The following CD55 variants were observed in gnomAD, a reference collection of about 807,000 sequenced individuals.
CD55 encodes the protein complement decay-accelerating factor.
In CD55, 41 loss-of-function variants were observed where a neutral mutation model predicts 45.8. The observed-to-expected ratio is 0.90, with a 90% confidence interval of 0.70 to 1.16. The LOEUF (loss-of-function observed/expected upper bound fraction) is 1.16. Among genes scored for constraint, CD55 ranks in the 50% most tolerant of loss-of-function variants. CD55 has a pLI of 0.00. For synonymous variants in CD55, 181 were observed against 181.1 expected (o/e 1.00, Z 0.01); for missense variants, 416 against 469.8 (o/e 0.89, Z 1.06).
chr1:207,349,741 G>C (rs181409416), intron 9 of CD55, among the ~76,000 whole-genome samples: 1 of 152,242 alleles, frequency 6.6e-6, no homozygotes, highest in East Asian at 1.9e-4. Flanking sequence ...TACTGATGTT[G>C]TTTAACAGTT....
intron 6 of CD55, among the ~76,000 whole-genome samples, chr1:207,335,327 A>G (rs1318675525): frequency 6.6e-6 from 1 of 152,150 alleles, no homozygotes; most frequent in Non-Finnish European, 1.5e-5. Flanking sequence ...ATGTTTTTTC[A>G]AGTGCGCATG....
intron 9 of CD55, among the ~76,000 whole-genome samples, chr1:207,339,880 A>G (rs1014283870): frequency 2.0e-5 from 3 of 152,166 alleles, no homozygotes; most frequent in African/African-American, 7.2e-5. Flanking sequence ...TACATGTGAT[A>G]TTTTGTTACA....
chr1:207,335,767 C>G (rs1655144785), intron 6 of CD55, among the ~76,000 whole-genome samples: 1 of 152,080 alleles, frequency 6.6e-6, no homozygotes, highest in African/African-American at 2.4e-5. Context: ...CTAGGGCATC[C>G]CGTGTGTGAT....
chr1:207,346,308 GTGGAC>G (rs1655636354), intron 9 of CD55, among the ~76,000 whole-genome samples: 1 of 152,192 alleles, frequency 6.6e-6, no homozygotes, highest in South Asian at 2.1e-4. Flanking sequence ...GCTATTGGTG[GTGGAC>G]TGGCTGAGCA....
chr1:207,350,031 C>T, intron 9 of CD55: 2 of 443,494 alleles, frequency 4.5e-6, no homozygotes, highest in East Asian at 7.4e-5. Flanking sequence ...TGGTATGTTC[C>T]TTTGATGCCT....
At chr1:207,357,974 A>G (rs998519207) in intron 9 of CD55, among the ~76,000 whole-genome samples, 2 of 152,164 alleles carry the variant, frequency 1.3e-5, no homozygotes, top group Admixed American at 6.5e-5. Context: ...CTCTCTCTCA[A>G]AATATCTTAT....
intron 9 of CD55, among the ~76,000 whole-genome samples, chr1:207,344,435 T>G (rs1655550312): frequency 6.6e-6 from 1 of 152,212 alleles, no homozygotes. Flanking sequence ...ATCATGGTGA[T>G]TAATTCCATC....
rs1404198072 is a variant in CD55 at position 207,322,411 on chromosome 1, A to G, written c.130A>G (p.Asn44Asp). 1.9e-6 allele frequency: 3 copies of G among 1,614,160 alleles called. No individual in the cohort carries two copies. The highest frequency in any genetic ancestry group is 1.3e-5 in the African/African-American group (1 of 75,056). Residue 44 changes from asparagine (N) to aspartate (D), a missense_variant, in exon 2 of 10, where the codon AAT (asparagine) becomes GAT (aspartate). Asn to Asp is a conservative substitution (Grantham distance 23). Coordinates refer to ENST00000367064, the MANE Select transcript of CD55 (RefSeq NM_000574.5). ...GDCGLPPDVPNAQPALEGRTS... is the reference protein window; with the variant it reads ...GDCGLPPDVPDAQPALEGRTS... ...CTGTGGCCTTCCCCCAGATGTACCT[A>G]ATGCCCAGCCAGCTTTGGAAGGCCG...
At chr1:207,348,880 G>T (rs951343690) in intron 9 of CD55, among the ~76,000 whole-genome samples, 1 of 152,142 alleles carries the variant, frequency 6.6e-6, no homozygotes, top group Non-Finnish European at 1.5e-5. Context: ...TTGTAGGGGT[G>T]TGGCTTTATA....
chr1:207,327,373 A>G (rs1436472406), intron 5 of CD55, among the ~76,000 whole-genome samples: 1 of 152,218 alleles, frequency 6.6e-6, no homozygotes, highest in African/African-American at 2.4e-5. Context: ...GGTGTGATAT[A>G]TTCTTATCAT....
In CD55 at chr1:207,360,598, G is replaced by A. The variant is rs1025065641; in HGVS notation, c.*988G>A. 48 of 152,112 alleles carry A rather than the reference G, an allele frequency of 3.2e-4. No individual in the cohort carries two copies. Among genetic ancestry groups the A allele is most frequent in the African/African-American group, 1.1e-3 (46 of 41,426 alleles). 9.4% of individuals were successfully genotyped at this position (152,112 alleles called of 1,614,324 possible). ...TCCTACAAGCAGTTCAGAATGCCATGCCTTGGTTGTCCTAGTGTGAATAAT... is the reference window on the plus strand; with the variant it reads ...TCCTACAAGCAGTTCAGAATGCCATACCTTGGTTGTCCTAGTGTGAATAAT... On this transcript the variant is annotated 3_prime_UTR_variant, in exon 10 of 10. Coordinates refer to ENST00000367064, the MANE Select transcript of CD55 (RefSeq NM_000574.5).
intron 6 of CD55, among the ~76,000 whole-genome samples, chr1:207,333,599 A>G (rs1334646133): frequency 1.3e-5 from 2 of 152,262 alleles, no homozygotes; most frequent in Non-Finnish European, 2.9e-5. Context: ...AACCAAATAA[A>G]GAATATCCAG....
chr1:207,327,336 C>T (rs979434760), intron 5 of CD55, among the ~76,000 whole-genome samples: 3 of 151,966 alleles, frequency 2.0e-5, no homozygotes, highest in Admixed American at 1.3e-4. Flanking sequence ...AATAATTAAC[C>T]GAGATAATTA....
At chr1:207,353,657 C>T (rs906039640) in intron 9 of CD55, among the ~76,000 whole-genome samples, 4 of 152,098 alleles carry the variant, frequency 2.6e-5, no homozygotes, top group Non-Finnish European at 1.5e-5. Flanking sequence ...ATCATATAAT[C>T]TTTCTGTGAT....
intron 4 of CD55, 25 bp from the exon 5 acceptor site, chr1:207,326,727 C>CT (rs777025024): frequency 1.9e-6 from 3 of 1,575,352 alleles, no homozygotes; most frequent in Admixed American, 3.4e-5. Context: ...GTAACAAACT[C>CT]TTTTTTCTTC....
intron 9 of CD55, chr1:207,358,465 A>G (rs1439000973): frequency 1.3e-5 from 2 of 152,188 alleles, no homozygotes; most frequent in Admixed American, 1.3e-4. Context: ...TTTGATTGAA[A>G]TGACAGTTAC....
chr1:207,339,325 A>G lies in CD55; in HGVS notation c.1061-72A>G, dbSNP rs957227933. ...TTCTAGTGTAGTTTATTGATAGTAT[A>G]TGAAATTGCTAGCAAATCAATGACT... On this transcript the variant is annotated intron_variant, in intron 8 of 9. Coordinates refer to ENST00000367064, the MANE Select transcript of CD55 (RefSeq NM_000574.5). The G allele has an allele frequency of 7.2e-6, 8 of 1,108,136 alleles. No individual in the cohort carries two copies. In the African/African-American group the frequency reaches 1.3e-4, roughly 17 times the overall value. The allele number at this position is 1,108,136 out of a possible 1,614,324, so 68.6% of individuals were successfully genotyped here. A position where few individuals can be genotyped will look rare whatever the true frequency, so the allele number is the denominator to read the frequency against.
chr1:207,330,714 A>G (rs1654904194), intron 5 of CD55, among the ~76,000 whole-genome samples: 1 of 152,222 alleles, frequency 6.6e-6, no homozygotes, highest in South Asian at 2.1e-4. Context: ...GGTACATATT[A>G]GGTTTAAACT....
rs777233168 is a variant in CD55, at chr1:207,337,451, G to A, written c.1060+42G>A. 12 of 1,031,584 alleles carry A rather than the reference G, an allele frequency of 1.2e-5. No individual in the cohort carries two copies. The Admixed American group carries it at 1.7e-4, about 15-fold the overall frequency. 63.9% of individuals were successfully genotyped at this position (1,031,584 alleles called of 1,614,324 possible). A position where few individuals can be genotyped will look rare whatever the true frequency, so the allele number is the denominator to read the frequency against. On this transcript the variant is annotated intron_variant, in intron 8 of 9. Coordinates refer to ENST00000367064, the MANE Select transcript of CD55 (RefSeq NM_000574.5). ...CAGGTTTACTGAGTATGGATCTAAT[G>A]TGCTATGGTGGAAATATGAACTTGA...
Sources: gnomAD v4.1 joint callset for allele counts (sites outside exome capture counted in the v4.1 genomes callset) on GRCh38, gnomAD v4.1.1 for gene constraint, MANE v1.5 for transcripts, NCBI Gene and HGNC (gene_info 2026-07-23, HGNC 2026-07-21) for gene names.